SLC26A8: variants seen among roughly 807,000 people sequenced by gnomAD.
SLC26A8 encodes testis anion transporter 1.
A neutral mutation model predicts 105.0 loss-of-function variants in SLC26A8; 70 were observed. The observed-to-expected ratio is 0.67, with a 90% CI of 0.55 to 0.81. SLC26A8 has a LOEUF of 0.81. Among genes scored for constraint, SLC26A8 ranks in the 40% least tolerant of loss-of-function variants. The pLI is 0.00. For missense variants in SLC26A8, 998 were observed against 1,181.8 expected (o/e 0.84, Z 2.28); for synonymous variants, 415 against 438.3 (o/e 0.95, Z 0.66).
Position 35,969,048 on chromosome 6 carries a change from T to C in SLC26A8, c.1288-94A>G. 4.4e-6 allele frequency: 5 copies of C among 1,125,294 alleles called. No individual in the cohort carries two copies. The South Asian group carries it at 5.4e-5, about 12-fold the overall frequency. The allele number at this position is 1,125,294 out of a possible 1,614,324, so 69.7% of individuals were successfully genotyped here. A position where few individuals can be genotyped will look rare whatever the true frequency, so the allele number is the denominator to read the frequency against. On this transcript the variant is annotated intron_variant, in intron 10 of 19. Coordinates refer to ENST00000490799, the MANE Select transcript of SLC26A8 (RefSeq NM_052961.4). ...TTCTGCTTGGTGAGAAGCATGTCAA[T>C]TTTTCTTAAAAGGAGTTGAGTTCAG...
intron 16 of SLC26A8, among the ~76,000 whole-genome samples, chr6:35,956,058 T>G (rs1018502805): frequency 4.0e-5 from 6 of 151,882 alleles, no homozygotes; most frequent in African/African-American, 1.5e-4. Flanking sequence ...CTGGGCAACA[T>G]GGCAAAAATC....
At position 35,960,878 on chromosome 6, in the gene SLC26A8, T is replaced by C. The variant is rs1485787829; in HGVS notation, c.1603A>G (p.Thr535Ala). 1.2e-6 allele frequency: 2 copies of C among 1,614,118 alleles called. No homozygotes were observed. The highest frequency in any genetic ancestry group is 8.5e-7 in the Non-Finnish European group (1 of 1,180,014). ...KILLLGQIPN[T>A]NIYRSINDYR... ...TCATTGATGCTTCTATAAATGTTGG[T>C]GTTAGGGATTTGACCCAGGAGAAGA... Residue 535 changes from threonine (T) to alanine (A), a missense_variant, in exon 14 of 20, where the codon ACC becomes GCC. Physicochemically the swap from Thr to Ala is moderately conservative, Grantham distance 58. Coordinates refer to ENST00000490799, the MANE Select transcript of SLC26A8 (RefSeq NM_052961.4).
At chr6:35,976,550 C>CTTTTTTTTTTTTTTTTTT (rs371327114) in intron 9 of SLC26A8, among the ~76,000 whole-genome samples, 1 of 130,154 alleles carries the variant, frequency 7.7e-6, no homozygotes, top group African/African-American at 3.0e-5. Context: ...GAAGCCCTCG[C>CTTTTTTTTTTTTTTTTTT]TTTTTTTTTT....
chr6:35,984,468 G>T (rs907111267), intron 7 of SLC26A8, among the ~76,000 whole-genome samples: 1 of 151,602 alleles, frequency 6.6e-6, no homozygotes, highest in Admixed American at 6.6e-5. Context: ...GACTACAGGC[G>T]TGCACCACTA....
chr6:35,958,655 T>C (rs915057771), intron 16 of SLC26A8, among the ~76,000 whole-genome samples: 2 of 152,102 alleles, frequency 1.3e-5, no homozygotes, highest in Non-Finnish European at 2.9e-5. Flanking sequence ...TCCATTAGAA[T>C]GTATGGGAAC....
At chr6:35,975,540 G>T in intron 9 of SLC26A8, 52 bp from the exon 10 acceptor site, 1 of 1,085,424 alleles carries the variant, frequency 9.2e-7, no homozygotes, top group Non-Finnish European at 1.4e-6. Context: ...GAAGAATGCT[G>T]ATTTTGAGTT....
intron 7 of SLC26A8, among the ~76,000 whole-genome samples, chr6:35,984,928 CATTAACCTCAA>C (rs1393591708): frequency 2.0e-5 from 3 of 152,168 alleles, no homozygotes; most frequent in Non-Finnish European, 4.4e-5. Flanking sequence ...AGCCAACCAG[CATTAACCTCAA>C]AACAGACCCT....
chr6:35,981,225 C>T lies in SLC26A8; in HGVS notation c.1025+896G>A, dbSNP rs1317752118. 6.6e-6 allele frequency among the ~76,000 whole-genome samples: 1 copy of T among 152,130 alleles called. No individual in the cohort carries two copies. Among genetic ancestry groups the T allele is most frequent in the Admixed American group, 6.5e-5 (1 of 15,274 alleles). On this transcript the variant is annotated intron_variant, in intron 8 of 19. Transcript: ENST00000490799. This position sits in a 1 kb window ranked among gnomAD's most constrained non-coding sequence, Gnocchi z 4.0. Reference sequence around the variant, plus strand: ...ATAATTTCCTAACAGAAGCAAGAGCCATGCCTCATAGTCACTGGTAGGAAT... The same window carrying T: ...ATAATTTCCTAACAGAAGCAAGAGCTATGCCTCATAGTCACTGGTAGGAAT...
intron 8 of SLC26A8, among the ~76,000 whole-genome samples, chr6:35,978,461 GA>G (rs996908884): frequency 1.9e-4 from 28 of 150,930 alleles, no homozygotes; most frequent in African/African-American, 4.8e-4. Context: ...TTCTAAGTCA[GA>G]AAAAAAAATC....
At chr6:35,976,641 C>T (rs1482591070) in intron 9 of SLC26A8, among the ~76,000 whole-genome samples, 3 of 149,732 alleles carry the variant, frequency 2.0e-5, no homozygotes, top group South Asian at 4.3e-4. Context: ...CCCGGGTTCA[C>T]GCCATTCTCC....
chr6:36,005,435 TC>T (rs1220290577), intron 3 of SLC26A8, among the ~76,000 whole-genome samples: 4 of 152,198 alleles, frequency 2.6e-5, no homozygotes, highest in Non-Finnish European at 5.9e-5. Flanking sequence ...CTATAACAGT[TC>T]CTTAATTTTT....
intron 12 of SLC26A8, among the ~76,000 whole-genome samples, chr6:35,962,101 C>T (rs891528036): frequency 1.3e-5 from 2 of 152,020 alleles, no homozygotes; most frequent in Admixed American, 6.6e-5. Flanking sequence ...TGGTGGGCTC[C>T]TGCAGTCCCA....
At chr6:35,965,918 G>A (rs1380254702) in intron 11 of SLC26A8, among the ~76,000 whole-genome samples, 1 of 150,726 alleles carries the variant, frequency 6.6e-6, no homozygotes, top group African/African-American at 2.4e-5. Flanking sequence ...TTGAACCTGG[G>A]AGGCAGAGGT....
At chr6:35,992,090 T>C (rs1264774181) in intron 6 of SLC26A8, among the ~76,000 whole-genome samples, 1 of 152,224 alleles carries the variant, frequency 6.6e-6, no homozygotes, top group Non-Finnish European at 1.5e-5. Flanking sequence ...CCAATAGTTA[T>C]TAGTTTTCCC....
chr6:35,985,650 G>A (rs535022189), intron 7 of SLC26A8, among the ~76,000 whole-genome samples: 176 of 136,178 alleles, frequency 1.3e-3, no homozygotes, highest in Admixed American at 5.4e-3. Flanking sequence ...CTGAGATTGC[G>A]CCACTGCACT....
intron 17 of SLC26A8, among the ~76,000 whole-genome samples, chr6:35,952,936 C>T (rs879539433): frequency 2.0e-5 from 3 of 150,806 alleles, no homozygotes; most frequent in Non-Finnish European, 2.9e-5. Flanking sequence ...ATCACTTGAA[C>T]CCGGGAGGTG....
At chr6:35,986,393 T>G (rs1320322870) in intron 7 of SLC26A8, among the ~76,000 whole-genome samples, 3 of 152,212 alleles carry the variant, frequency 2.0e-5, no homozygotes, top group Non-Finnish European at 4.4e-5. Flanking sequence ...TTCAAGAATA[T>G]GATACATTGT....
At chr6:36,004,047 G>T (rs1761608649) in intron 3 of SLC26A8, among the ~76,000 whole-genome samples, 1 of 142,014 alleles carries the variant, frequency 7.0e-6, no homozygotes, top group Admixed American at 7.1e-5. Flanking sequence ...TATATTAAGA[G>T]TTATACTGAA....
chr6:35,969,016 T>C (rs780725272), intron 10 of SLC26A8, 62 bp from the exon 11 acceptor site: 34 of 1,416,206 alleles, frequency 2.4e-5, no homozygotes, highest in Middle Eastern at 1.8e-4. Context: ...TGTCTGCAAC[T>C]GAGGCCTTCT....
Sources: gnomAD v4.1 joint callset for allele counts (sites outside exome capture counted in the v4.1 genomes callset) on GRCh38, gnomAD v4.1.1 for gene constraint, Gnocchi (gnomAD v3.1) non-coding constraint, MANE v1.5 for transcripts, NCBI Gene and HGNC (gene_info 2026-07-23, HGNC 2026-07-21) for gene names.